The following ANO10 variants were observed in gnomAD, a reference collection of about 807,000 sequenced individuals.
ANO10 encodes anoctamin-10.
In ANO10, 77 loss-of-function variants were observed where a neutral mutation model predicts 74.7. That is an observed-to-expected ratio of 1.03 (90% CI 0.86 to 1.25). ANO10 has a LOEUF of 1.25. ANO10 is among the 50% of genes most tolerant of loss of function. The pLI is 0.00. For synonymous variants in ANO10, 279 were observed against 284.9 expected (o/e 0.98, Z 0.21); for missense variants, 721 against 778.1 (o/e 0.93, Z 0.87).
At chr3:43,619,734 G>C (rs2083291789) in intron 1 of ANO10, among the ~76,000 whole-genome samples, 2 of 151,764 alleles carry the variant, frequency 1.3e-5, no homozygotes, top group South Asian at 4.2e-4. Flanking sequence ...ATACGGTGAA[G>C]CTCTCGCCTG....
intron 12 of ANO10, among the ~76,000 whole-genome samples, chr3:43,428,128 C>T (rs2148929961): frequency 6.6e-6 from 1 of 152,060 alleles, no homozygotes; most frequent in Middle Eastern, 3.4e-3. Flanking sequence ...TGGCTCACTG[C>T]AACCTCCACC....
At chr3:43,468,979 G>A (rs1404257704) in intron 11 of ANO10, among the ~76,000 whole-genome samples, 3 of 150,604 alleles carry the variant, frequency 2.0e-5, no homozygotes, top group Admixed American at 6.6e-5. Context: ...CAAAGTACTG[G>A]GATTACAGGT....
At chr3:43,460,450 A>C (rs1292923586) in intron 11 of ANO10, among the ~76,000 whole-genome samples, 1 of 152,228 alleles carries the variant, frequency 6.6e-6, no homozygotes, top group Non-Finnish European at 1.5e-5. Context: ...TTGGGGTGGA[A>C]GGTAGGAGGA....
At chr3:43,668,281 G>T (rs1420439187) in intron 1 of ANO10, among the ~76,000 whole-genome samples, 2 of 147,202 alleles carry the variant, frequency 1.4e-5, no homozygotes, top group Non-Finnish European at 3.0e-5. Flanking sequence ...TTATGGGATT[G>T]TTTTTTTTTT....
At chr3:43,373,448 C>G (rs2091689424) in intron 12 of ANO10, among the ~76,000 whole-genome samples, 1 of 151,352 alleles carries the variant, frequency 6.6e-6, no homozygotes, top group South Asian at 2.1e-4. Flanking sequence ...ATGACACAGG[C>G]CATTAACTGC....
At chr3:43,585,999 A>C (rs2081465794) in intron 4 of ANO10, among the ~76,000 whole-genome samples, 1 of 152,186 alleles carries the variant, frequency 6.6e-6, no homozygotes, top group Non-Finnish European at 1.5e-5. Context: ...TCCAAATCAC[A>C]AACTATAAAA....
chr3:43,462,850 C>T (rs945417325), intron 11 of ANO10, among the ~76,000 whole-genome samples: 14 of 152,184 alleles, frequency 9.2e-5, no homozygotes, highest in East Asian at 3.9e-4. Context: ...CCACTCCAGC[C>T]GTGGCTGAAA....
chr3:43,594,240 T>G (rs1349071262), intron 4 of ANO10, among the ~76,000 whole-genome samples: 1 of 152,164 alleles, frequency 6.6e-6, no homozygotes, highest in East Asian at 1.9e-4. Flanking sequence ...GCAATTGAAC[T>G]CAGCTCTCCA....
intron 11 of ANO10, among the ~76,000 whole-genome samples, chr3:43,542,248 A>C (rs942031217): frequency 1.3e-4 from 20 of 152,318 alleles, no homozygotes; most frequent in African/African-American, 4.3e-4. Flanking sequence ...GAGAGAGCCG[A>C]AACAAATATT....
At chr3:43,613,172 A>G (rs1485145938) in intron 1 of ANO10, among the ~76,000 whole-genome samples, 1 of 142,748 alleles carries the variant, frequency 7.0e-6, no homozygotes, top group Non-Finnish European at 1.5e-5. Flanking sequence ...ACTCTGTCTC[A>G]AAAAAAAAAA....
intron 12 of ANO10, among the ~76,000 whole-genome samples, chr3:43,376,700 TA>T (rs1486322809): frequency 6.6e-6 from 1 of 152,218 alleles, no homozygotes; most frequent in Non-Finnish European, 1.5e-5. Flanking sequence ...AATAATAATG[TA>T]AAAATAACAT....
chr3:43,504,885 C>G (rs2149161892), intron 11 of ANO10, among the ~76,000 whole-genome samples: 2 of 152,214 alleles, frequency 1.3e-5, no homozygotes, highest in East Asian at 3.9e-4. Context: ...CGTAATCCTC[C>G]CACCTCTGCC....
At chr3:43,423,089 TG>T (rs1179664667) in intron 12 of ANO10, among the ~76,000 whole-genome samples, 3 of 150,958 alleles carry the variant, frequency 2.0e-5, no homozygotes, top group African/African-American at 7.4e-5. Context: ...CTCTTGTTAC[TG>T]ATGTCAATCA....
intron 12 of ANO10, among the ~76,000 whole-genome samples, chr3:43,406,361 T>C (rs1358950342): frequency 6.6e-6 from 1 of 152,200 alleles, no homozygotes; most frequent in Non-Finnish European, 1.5e-5. Flanking sequence ...TTCAGCTCAT[T>C]TACAAAACAT....
rs1469862208 is a variant in ANO10 at position 43,485,072 on chromosome 3, T to A, written c.1798-52345A>T. On this transcript the variant is annotated intron_variant, in intron 11 of 12. Transcript: ENST00000292246. The stretch of plus-strand genomic sequence containing the variant: ...GAACTTGATCTTGGAGTCGTGGAAC[T>A]GCTTGACAGCCGGCCGGCGGCACTT... The A allele has an allele frequency of 2.4e-6, 3 of 1,248,352 alleles. No individual in the cohort carries two copies. In the East Asian group the frequency reaches 7.3e-5, roughly 30 times the overall value. The allele number at this position is 1,248,352 out of a possible 1,614,324, so 77.3% of individuals were successfully genotyped here. A position where few individuals can be genotyped will look rare whatever the true frequency, so the allele number is the denominator to read the frequency against.
intron 12 of ANO10, among the ~76,000 whole-genome samples, chr3:43,416,251 T>C (rs2092737165): frequency 6.6e-6 from 1 of 152,178 alleles, no homozygotes; most frequent in Non-Finnish European, 1.5e-5. Flanking sequence ...TTAGAGCAAC[T>C]TGGATGAAGA....
At chr3:43,391,078 T>C (rs2092262396) in intron 12 of ANO10, among the ~76,000 whole-genome samples, 1 of 152,238 alleles carries the variant, frequency 6.6e-6, no homozygotes, top group African/African-American at 2.4e-5. Flanking sequence ...TCACTCTCTC[T>C]GCAGCATGTT....
intron 10 of ANO10, chr3:43,551,604 A>G (rs201176608): frequency 7.8e-4 from 356 of 456,034 alleles, no homozygotes; most frequent in Middle Eastern, 1.3e-3. Context: ...TTTTGTCAAT[A>G]TAGATTTGTT....
intron 11 of ANO10, among the ~76,000 whole-genome samples, chr3:43,439,365 T>C (rs924955506): frequency 6.6e-6 from 1 of 150,708 alleles, no homozygotes; most frequent in African/African-American, 2.4e-5. Context: ...CTACTACAAC[T>C]GCCTTACACA....
Sources: gnomAD v4.1 joint callset for allele counts (sites outside exome capture counted in the v4.1 genomes callset) on GRCh38, gnomAD v4.1.1 for gene constraint, MANE v1.5 for transcripts, NCBI Gene and HGNC (gene_info 2026-07-23, HGNC 2026-07-21) for gene names.